Variants in YY1 observed in about 807,000 individuals in gnomAD.
The protein encoded by YY1 is YY1 transcription factor.
Under a neutral mutation model 35.6 loss-of-function variants are expected in YY1, and 2 were observed. The ratio of observed to expected loss-of-function variants is 0.06; its 90% CI spans 0.02 to 0.18. The LOEUF is 0.18. Among genes scored for constraint, YY1 ranks in the 10% least tolerant of loss-of-function variants. The pLI is 1.00. For missense variants in YY1, 322 were observed against 573.4 expected, an observed-to-expected ratio of 0.56 and a Z score of 4.48; for synonymous variants, 268 against 238.9, an observed-to-expected ratio of 1.12 and a Z score of -1.12.
intron 2 of YY1, among the ~76,000 whole-genome samples, chr14:100,264,431 C>T (rs755067796): frequency 2.6e-5 from 4 of 152,196 alleles, no homozygotes; most frequent in Non-Finnish European, 4.4e-5. Context: ...CCCACCTTGG[C>T]TTCCCAAAAT....
At chr14:100,240,073 G>T in intron 1 of YY1, 150 bp downstream of exon 1, 4 of 719,992 alleles carry the variant, frequency 5.6e-6, no homozygotes, top group Non-Finnish European at 7.3e-6. Context: ...CGGGGGCGCG[G>T]CGGCGGCGGC....
At chr14:100,258,041 A>G (rs1891028590) in intron 1 of YY1, among the ~76,000 whole-genome samples, 1 of 152,010 alleles carries the variant, frequency 6.6e-6, no homozygotes, top group Non-Finnish European at 1.5e-5. Context: ...CTGAGGTGGG[A>G]GGATTGCTTG....
intron 1 of YY1, among the ~76,000 whole-genome samples, chr14:100,253,671 C>T (rs1399885203): frequency 6.6e-6 from 1 of 152,078 alleles, no homozygotes; most frequent in Admixed American, 6.6e-5. Context: ...GGATTATAGG[C>T]GTGAGCCAGT....
At chr14:100,261,670 C>G (rs1037061174) in intron 1 of YY1, among the ~76,000 whole-genome samples, 1 of 152,034 alleles carries the variant, frequency 6.6e-6, no homozygotes, top group Non-Finnish European at 1.5e-5. Flanking sequence ...GAATAAACAC[C>G]TTGAGGTTAG....
chr14:100,240,811 T>C (rs1890727056), intron 1 of YY1, among the ~76,000 whole-genome samples: 1 of 152,008 alleles, frequency 6.6e-6, no homozygotes, highest in Non-Finnish European at 1.5e-5. Context: ...TTTTTTTCCC[T>C]CAAGTATTTA....
At chr14:100,264,989 G>A (rs931463305) in intron 2 of YY1, among the ~76,000 whole-genome samples, 1 of 152,040 alleles carries the variant, frequency 6.6e-6, no homozygotes, top group African/African-American at 2.4e-5. Flanking sequence ...GGGAGGCTGA[G>A]TGGGAGGATC....
At chr14:100,240,915 A>G (rs1053389196) in intron 1 of YY1, among the ~76,000 whole-genome samples, 1 of 151,888 alleles carries the variant, frequency 6.6e-6, no homozygotes, top group Non-Finnish European at 1.5e-5. Context: ...TATGGTTTTT[A>G]CTTTGTAGAA....
intron 1 of YY1, among the ~76,000 whole-genome samples, chr14:100,259,589 A>G (rs1462386019): frequency 6.6e-6 from 1 of 152,122 alleles, no homozygotes; most frequent in Non-Finnish European, 1.5e-5. Context: ...GGAATAATCT[A>G]GGAGCTCAAA....
At chr14:100,269,375 A>C (rs185480721) in intron 2 of YY1, among the ~76,000 whole-genome samples, 4 of 152,290 alleles carry the variant, frequency 2.6e-5, no homozygotes, top group African/African-American at 7.2e-5. Context: ...AGCTAGTAGA[A>C]GTCACCTCCA....
intron 1 of YY1, among the ~76,000 whole-genome samples, chr14:100,242,819 G>A (rs1890771595): frequency 1.3e-5 from 2 of 152,044 alleles, no homozygotes; most frequent in Middle Eastern, 3.4e-3. Context: ...CACGATCTTG[G>A]CTCACTGCAA....
At position 100,240,771 on chromosome 14, in the gene YY1, C is replaced by T. The variant is rs187554172; in HGVS notation, c.679+848C>T. ...GGCCTGTGAATGTTAGCGAATAATT[C>T]TTAGTCACTTACGTTTTGGGAAAGC... On this transcript the variant is annotated intron_variant, in intron 1 of 4. Coordinates refer to ENST00000262238, the MANE Select transcript of YY1 (RefSeq NM_003403.5). Among the ~76,000 whole-genome samples the T allele has an allele frequency of 2.9e-3, 438 of 152,216 alleles. 2 individuals are homozygous for T. The highest frequency in any genetic ancestry group is 0.01 in the African/African-American group (421 of 41,532).
chr14:100,278,877 T>A lies in YY1; in HGVS notation c.*1277T>A, dbSNP rs1595336055. ...AGGCCTGTCCATCAGCCGGCTGCCT[T>A]CAGAGGCAGCTCCAGCAGGACCTTG... is the stretch of plus-strand genomic sequence containing the variant. On this transcript the variant is annotated 3_prime_UTR_variant, in exon 5 of 5. Coordinates refer to ENST00000262238, the MANE Select transcript of YY1 (RefSeq NM_003403.5). The A allele has an allele frequency of 6.6e-6, 1 of 152,350 alleles. No individual in the cohort carries two copies. The highest frequency in any genetic ancestry group is 1.9e-4 in the East Asian group (1 of 5,188). The allele number at this position is 152,350 out of a possible 1,614,324, so 9.4% of individuals were successfully genotyped here. A position where few individuals can be genotyped will look rare whatever the true frequency, so the allele number is the denominator to read the frequency against.
chr14:100,277,755 T>TA lies in YY1; in HGVS notation c.*155_*156insA. On this transcript the variant is annotated 3_prime_UTR_variant, in exon 5 of 5. Coordinates refer to ENST00000262238, the MANE Select transcript of YY1 (RefSeq NM_003403.5). The surrounding 1 kb of genome is among the most constrained non-coding windows in gnomAD (Gnocchi z 5.6). ...ACATGTTTTGATAAAGTAGTAAAAA[T>TA]TAAAAAAAAAAAACTTTACTAAGAT... 1.2e-6 allele frequency: 1 copy of TA among 847,706 alleles called. No homozygotes were observed. Among genetic ancestry groups the TA allele is most frequent in the Non-Finnish European group, 1.8e-6 (1 of 556,444 alleles). 52.5% of individuals were successfully genotyped at this position (847,706 alleles called of 1,614,324 possible).
At chr14:100,246,183 C>G (rs998221472) in intron 1 of YY1, among the ~76,000 whole-genome samples, 19 of 152,284 alleles carry the variant, frequency 1.2e-4, no homozygotes, top group African/African-American at 4.6e-4. Context: ...TCCATGGTCA[C>G]CCCCACCCCG....
At chr14:100,246,966 C>CT (rs1890842658) in intron 1 of YY1, among the ~76,000 whole-genome samples, 1 of 152,188 alleles carries the variant, frequency 6.6e-6, no homozygotes, top group South Asian at 2.1e-4. Flanking sequence ...CTGTCAGACT[C>CT]TCCCCTCCAG....
Position 100,277,846 on chromosome 14 carries a change from T to G in YY1, c.*246T>G, listed in dbSNP as rs1404281441. ...TCAAAAACACAGTGTTTTTGTAAAG[T>G]GTGGTCCCAACAGGAGGACAATTCA... On this transcript the variant is annotated 3_prime_UTR_variant, in exon 5 of 5. Coordinates refer to ENST00000262238, the MANE Select transcript of YY1 (RefSeq NM_003403.5). The surrounding 1 kb of genome is among the most constrained non-coding windows in gnomAD (Gnocchi z 5.6). 7.9e-6 allele frequency: 4 copies of G among 504,674 alleles called. No individual in the cohort carries two copies. The Admixed American group carries it at 1.1e-4, about 14-fold the overall frequency. The allele number at this position is 504,674 out of a possible 1,614,324, so 31.3% of individuals were successfully genotyped here. A position where few individuals can be genotyped will look rare whatever the true frequency, so the allele number is the denominator to read the frequency against.
At chr14:100,266,073 A>C (rs1891149846) in intron 2 of YY1, among the ~76,000 whole-genome samples, 1 of 152,168 alleles carries the variant, frequency 6.6e-6, no homozygotes, top group African/African-American at 2.4e-5. Flanking sequence ...AGGTAGAAGC[A>C]AAAGTGGAAA....
rs60088505 is a variant in YY1 at position 100,249,100 on chromosome 14, ATTTTTTTTTTTTTTTTTT to A, written c.679+9195_679+9212del. On this transcript the variant is annotated intron_variant, in intron 1 of 4. Coordinates refer to ENST00000262238, the MANE Select transcript of YY1 (RefSeq NM_003403.5). ...TTTGTGATGGACTCTTTCTCGTGTA[ATTTTTTTTTTTTTTTTTT>A]TTTTTTTTTTTTTTTTTGGGAGACA... 2.6e-3 allele frequency among the ~76,000 whole-genome samples: 123 copies of A among 46,846 alleles called. 1 individual carries two copies. Among genetic ancestry groups the A allele is most frequent in the African/African-American group, 7.5e-3 (109 of 14,488 alleles). The allele number at this position is 46,846 out of a possible 152,430, so 30.7% of individuals were successfully genotyped here. A position where few individuals can be genotyped will look rare whatever the true frequency, so the allele number is the denominator to read the frequency against.
chr14:100,276,864 A>G lies in YY1; in HGVS notation c.1062+216A>G, dbSNP rs946241377. On this transcript the variant is annotated intron_variant, in intron 4 of 4. Transcript: ENST00000262238. This position sits in a 1 kb window ranked among gnomAD's most constrained non-coding sequence, Gnocchi z 4.1. The stretch of plus-strand genomic sequence containing the variant: ...CTCTGTGGTACTGGGTACGCAATGT[A>G]TTGGTGTTGATGGAGTACACTTTAT... 3 of 610,824 alleles carry G rather than the reference A, an allele frequency of 4.9e-6. No homozygotes were observed. The highest frequency in any genetic ancestry group is 1.9e-5 in the South Asian group (1 of 51,626). The allele number at this position is 610,824 out of a possible 1,614,324, so 37.8% of individuals were successfully genotyped here. A position where few individuals can be genotyped will look rare whatever the true frequency, so the allele number is the denominator to read the frequency against.
Sources: gnomAD v4.1 joint callset for allele counts (sites outside exome capture counted in the v4.1 genomes callset) on GRCh38, gnomAD v4.1.1 for gene constraint, Gnocchi (gnomAD v3.1) non-coding constraint, MANE v1.5 for transcripts, NCBI Gene and HGNC (gene_info 2026-07-23, HGNC 2026-07-21) for gene names.